Variants in L3MBTL4 observed in about 807,000 individuals in gnomAD.
The protein encoded by L3MBTL4 is L3MBTL histone methyl-lysine binding protein 4.
In L3MBTL4, 70 loss-of-function variants were observed where a neutral mutation model predicts 84.5. That is an observed-to-expected ratio of 0.83 (90% CI 0.68 to 1.01). The LOEUF (loss-of-function observed/expected upper bound fraction) is 1.01. Ranked by LOEUF, L3MBTL4 falls within the 50% of genes least tolerant of loss-of-function variation. The probability of loss-of-function intolerance (pLI) is 0.00; values close to 1 mark genes in which losing one functional copy is unlikely to be tolerated. For synonymous variants in L3MBTL4, 274 were observed against 259.8 expected, an observed-to-expected ratio of 1.05 and a Z score of -0.52; for missense variants, 715 against 754.8, an observed-to-expected ratio of 0.95 and a Z score of 0.62.
At chr18:5,966,253 T>A (rs756829231) in intron 17 of L3MBTL4, among the ~76,000 whole-genome samples, 1 of 152,210 alleles carries the variant, frequency 6.6e-6, no homozygotes, top group East Asian at 1.9e-4. Context: ...CAGTGGTGTC[T>A]ATTCTTATTG....
intron 16 of L3MBTL4, among the ~76,000 whole-genome samples, chr18:6,032,548 T>C (rs1033822976): frequency 3.4e-4 from 51 of 152,090 alleles, no homozygotes; most frequent in African/African-American, 1.2e-3. Flanking sequence ...TTTTTTTTTA[T>C]TGTGGTAAAA....
At chr18:6,251,207 T>C (rs2146240990) in intron 5 of L3MBTL4, among the ~76,000 whole-genome samples, 1 of 152,234 alleles carries the variant, frequency 6.6e-6, no homozygotes, top group East Asian at 1.9e-4. Flanking sequence ...ACTTGCAAGG[T>C]TTTGAGTGTG....
intron 13 of L3MBTL4, among the ~76,000 whole-genome samples, chr18:6,155,273 G>T (rs1049682358): frequency 6.6e-6 from 1 of 152,120 alleles, no homozygotes; most frequent in African/African-American, 2.4e-5. Context: ...AGCACTGAAC[G>T]CAAATAAAAT....
chr18:6,070,015 G>T (rs2057532371), intron 16 of L3MBTL4, among the ~76,000 whole-genome samples: 1 of 152,134 alleles, frequency 6.6e-6, no homozygotes, highest in Non-Finnish European at 1.5e-5. Flanking sequence ...TATCCAGGCT[G>T]AAGCATGTAC....
chr18:6,153,690 T>C (rs946479117), intron 13 of L3MBTL4, among the ~76,000 whole-genome samples: 2 of 152,136 alleles, frequency 1.3e-5, no homozygotes, highest in South Asian at 2.1e-4. Context: ...AGGAAGGTGA[T>C]TGGATCATAA....
intron 5 of L3MBTL4, among the ~76,000 whole-genome samples, chr18:6,250,782 A>G (rs748557716): frequency 7.2e-5 from 11 of 152,206 alleles, no homozygotes; most frequent in Non-Finnish European, 1.5e-4. Flanking sequence ...TCACAGGAGG[A>G]ATTTTATATG....
intron 13 of L3MBTL4, among the ~76,000 whole-genome samples, chr18:6,148,740 A>G (rs2042759460): frequency 6.6e-6 from 1 of 152,210 alleles, no homozygotes; most frequent in African/African-American, 2.4e-5. Context: ...CATAAAGCAC[A>G]GAATTTTAAG....
Position 5,998,501 on chromosome 18 carries a change from C to A in L3MBTL4, c.1445-28939G>T, listed in dbSNP as rs73374494. On this transcript the variant is annotated intron_variant, in intron 16 of 18. Coordinates refer to ENST00000317931, the MANE Select transcript of L3MBTL4 (RefSeq NM_001330559.2). ...TCTGCTTGCTCAGGCTGAGGGTGGG[C>A]CTGGGGGAAGGAAAGTCACTTAACC... 8.0e-3 allele frequency among the ~76,000 whole-genome samples: 1,218 copies of A among 152,174 alleles called. 19 individuals are homozygous for A. The highest frequency in any genetic ancestry group is 0.027 in the African/African-American group (1,135 of 41,512).
At chr18:6,068,863 AG>A (rs2057486778) in intron 16 of L3MBTL4, among the ~76,000 whole-genome samples, 1 of 152,150 alleles carries the variant, frequency 6.6e-6, no homozygotes, top group Non-Finnish European at 1.5e-5. Flanking sequence ...CTGGGACTCA[AG>A]GCCTGCCATT....
At chr18:6,316,130 G>A (rs902448085) in intron 1 of L3MBTL4, among the ~76,000 whole-genome samples, 7 of 149,080 alleles carry the variant, frequency 4.7e-5, no homozygotes, top group Admixed American at 1.3e-4. Flanking sequence ...TCACTCTCAC[G>A]GAGTCCATGC....
At chr18:6,320,144 C>T (rs566303235) in intron 1 of L3MBTL4, among the ~76,000 whole-genome samples, 1 of 151,968 alleles carries the variant, frequency 6.6e-6, no homozygotes, top group East Asian at 1.9e-4. Context: ...AGGGACACAC[C>T]TCAAAATAAC....
intron 1 of L3MBTL4, among the ~76,000 whole-genome samples, chr18:6,376,713 G>T (rs1019754522): frequency 5.3e-5 from 8 of 152,174 alleles, no homozygotes; most frequent in Non-Finnish European, 8.8e-5. Flanking sequence ...ACTCCAGCCT[G>T]GGTGACAGAG....
At chr18:5,990,345 CTA>C (rs759808095) in intron 16 of L3MBTL4, among the ~76,000 whole-genome samples, 1 of 152,198 alleles carries the variant, frequency 6.6e-6, no homozygotes, top group Admixed American at 6.5e-5. Context: ...TCAAAGAAAT[CTA>C]TGTCTCCTTA....
At chr18:5,961,132 G>C (rs2095261326) in intron 17 of L3MBTL4, among the ~76,000 whole-genome samples, 2 of 152,308 alleles carry the variant, frequency 1.3e-5, no homozygotes, top group South Asian at 2.1e-4. Context: ...TCTGCTTCTT[G>C]TGTCAACCGA....
At chr18:6,334,166 C>T (rs956471386) in intron 1 of L3MBTL4, among the ~76,000 whole-genome samples, 2 of 152,184 alleles carry the variant, frequency 1.3e-5, no homozygotes, top group African/African-American at 4.8e-5. Context: ...ACATCTGCAA[C>T]CTTTTGATGC....
chr18:6,208,113 TAAAAAATA>T (rs1319127454), intron 12 of L3MBTL4, among the ~76,000 whole-genome samples: 1 of 131,726 alleles, frequency 7.6e-6, no homozygotes, highest in African/African-American at 2.9e-5. Flanking sequence ...AGACCCTGTC[TAAAAAATA>T]AATAAATAAA....
At chr18:6,090,693 T>C (rs570753670) in intron 15 of L3MBTL4, among the ~76,000 whole-genome samples, 1 of 151,454 alleles carries the variant, frequency 6.6e-6, no homozygotes, top group Admixed American at 6.6e-5. Context: ...AATGGTGTGA[T>C]AGCTCACTGC....
chr18:6,294,592 G>T (rs3859416), intron 4 of L3MBTL4, among the ~76,000 whole-genome samples: 27,972 of 152,158 alleles, frequency 0.18, 2,676 homozygotes, highest in Middle Eastern at 0.22. Flanking sequence ...AGCAGGAGAC[G>T]GTGTCTGGCC....
intron 16 of L3MBTL4, among the ~76,000 whole-genome samples, chr18:5,996,380 A>G (rs1461638046): frequency 6.6e-6 from 1 of 152,212 alleles, no homozygotes; most frequent in Non-Finnish European, 1.5e-5. Context: ...TTCAGCCTCA[A>G]AGAGCATGTT....
Sources: gnomAD v4.1 joint callset for allele counts (sites outside exome capture counted in the v4.1 genomes callset) on GRCh38, gnomAD v4.1.1 for gene constraint, MANE v1.5 for transcripts, NCBI Gene and HGNC (gene_info 2026-07-23, HGNC 2026-07-21) for gene names.